Variants in NBEAL1 observed in about 807,000 individuals in gnomAD.
NBEAL1 encodes the protein neurobeachin-like protein 1.
NBEAL1 carries 273 observed loss-of-function variants against 351.3 expected under a neutral mutation model. The observed-to-expected ratio is 0.78, with a 90% CI of 0.70 to 0.86. NBEAL1 has a LOEUF of 0.86. NBEAL1 is among the 40% of genes least tolerant of loss of function. NBEAL1 has a pLI of 0.00. For missense variants in NBEAL1, 2,961 were observed against 3,201.3 expected (o/e 0.92, Z 1.81); for synonymous variants, 1,050 against 1,086.4 (o/e 0.97, Z 0.66).
intron 2 of NBEAL1, among the ~76,000 whole-genome samples, chr2:203,024,623 C>T (rs897332729): frequency 2.6e-5 from 4 of 151,154 alleles, no homozygotes; most frequent in Admixed American, 6.6e-5. Context: ...ATATTATTGG[C>T]GGCCTGAGGT....
chr2:203,050,875 G>A (rs1199651329), intron 4 of NBEAL1, among the ~76,000 whole-genome samples: 3 of 152,242 alleles, frequency 2.0e-5, no homozygotes, highest in Non-Finnish European at 4.4e-5. Flanking sequence ...CATTGGTTTA[G>A]GGGCATCTGC....
chr2:203,192,577 G>C (rs1049046465), intron 46 of NBEAL1, among the ~76,000 whole-genome samples: 5 of 151,850 alleles, frequency 3.3e-5, no homozygotes, highest in African/African-American at 1.2e-4. Context: ...GTAGAGACGG[G>C]GTTTTGCCAT....
chr2:203,179,501 AAATT>A (rs1346406778), intron 42 of NBEAL1, among the ~76,000 whole-genome samples: 1 of 152,080 alleles, frequency 6.6e-6, no homozygotes, highest in African/African-American at 2.4e-5. Flanking sequence ...TAAATACATA[AAATT>A]AATTAATTGA....
intron 51 of NBEAL1, among the ~76,000 whole-genome samples, chr2:203,203,916 TG>T (rs761563064): frequency 4.7e-4 from 68 of 144,300 alleles, no homozygotes; most frequent in African/African-American, 1.1e-3. Context: ...TTGTTTTTTG[TG>T]TTTTTTTTGT....
In NBEAL1 at chr2:203,070,358, T is replaced by G. The variant is rs13396349; in HGVS notation, c.598+1883T>G. ...TTGTATTTCTCTCTCTCTCTCTCTC[T>G]CTTTTTTTTTTTTTTTTTTTTGAGA... On this transcript the variant is annotated intron_variant, in intron 7 of 55. Coordinates refer to ENST00000683969, the MANE Select transcript of NBEAL1 (RefSeq NM_001378026.1). Among the ~76,000 whole-genome samples the G allele has an allele frequency of 6.8e-3, 783 of 114,664 alleles. 8 individuals carry two copies. The highest frequency in any genetic ancestry group is 0.024 in the African/African-American group (756 of 30,874). 75.2% of individuals were successfully genotyped at this position (114,664 alleles called of 152,430 possible).
At chr2:203,152,612 T>C (rs1384696129) in intron 35 of NBEAL1, among the ~76,000 whole-genome samples, 1 of 151,818 alleles carries the variant, frequency 6.6e-6, no homozygotes, top group Non-Finnish European at 1.5e-5. Context: ...AAATTTTGCC[T>C]GACACTATTT....
rs753113356 is a variant in NBEAL1 at position 203,220,566 on chromosome 2, C to G, written c.*3212C>G. Among the ~76,000 whole-genome samples the G allele has an allele frequency of 2.0e-5, 3 of 151,884 alleles. No individual in the cohort carries two copies. Among genetic ancestry groups the G allele is most frequent in the Non-Finnish European group, 2.9e-5 (2 of 67,984 alleles). Reference sequence around the variant, plus strand: ...TACTGGTGATGACAAAAATAAAAATCTCAGCATCCTGGTGATAGGAAGAGA... The same window carrying G: ...TACTGGTGATGACAAAAATAAAAATGTCAGCATCCTGGTGATAGGAAGAGA... On this transcript the variant is annotated 3_prime_UTR_variant, in exon 56 of 56. Transcript: ENST00000683969.
chr2:203,063,211 A>G (rs545774309), intron 6 of NBEAL1, among the ~76,000 whole-genome samples: 25 of 151,648 alleles, frequency 1.6e-4, no homozygotes, highest in Non-Finnish European at 3.7e-4. Flanking sequence ...ATGGTGGCTC[A>G]CACCTGTAAT....
intron 2 of NBEAL1, chr2:203,039,993 G>A (rs979098262): frequency 3.6e-6 from 2 of 561,012 alleles, no homozygotes; most frequent in African/African-American, 1.9e-5. Context: ...AAGGTAAAGG[G>A]GTGGTGAGGT....
intron 36 of NBEAL1, among the ~76,000 whole-genome samples, chr2:203,159,682 G>C (rs1368998579): frequency 6.6e-6 from 1 of 152,030 alleles, no homozygotes; most frequent in African/African-American, 2.4e-5. Flanking sequence ...ATTATGAATA[G>C]TACTTCCATG....
rs533349447 is a variant in NBEAL1, at chr2:203,174,465, G to A, written c.6324-682G>A. On this transcript the variant is annotated intron_variant, in intron 41 of 55. Transcript: ENST00000683969. The stretch of plus-strand genomic sequence containing the variant: ...TATTTGTATATTAATTCATACATTA[G>A]GATAGATATTCACCAAAAAATTTGT... Among the ~76,000 whole-genome samples the A allele has an allele frequency of 6.6e-5, 10 of 152,116 alleles. No individual in the cohort carries two copies. The South Asian group carries it at 2.1e-3, about 32-fold the overall frequency.
intron 2 of NBEAL1, among the ~76,000 whole-genome samples, chr2:203,034,054 C>T (rs1318573862): frequency 6.6e-6 from 1 of 152,012 alleles, no homozygotes; most frequent in African/African-American, 2.4e-5. Context: ...TTGTTTATAC[C>T]TCTTTTCTCT....
intron 29 of NBEAL1, 50 bp from the exon 30 acceptor site, chr2:203,138,108 CTACT>C: frequency 6.4e-7 from 1 of 1,563,344 alleles, no homozygotes; most frequent in Non-Finnish European, 8.7e-7. Flanking sequence ...TTTTAATGTC[CTACT>C]GTTTTTCTAA....
chr2:203,042,213 A>G (rs1456415617), intron 3 of NBEAL1, among the ~76,000 whole-genome samples: 3 of 152,260 alleles, frequency 2.0e-5, no homozygotes, highest in Non-Finnish European at 4.4e-5. Flanking sequence ...CTTCAGACCA[A>G]CTGGCTATAA....
At chr2:203,125,865 T>C in intron 20 of NBEAL1, 95 bp from the exon 21 acceptor site, 2 of 1,064,206 alleles carry the variant, frequency 1.9e-6, no homozygotes, top group Non-Finnish European at 2.6e-6. Flanking sequence ...GAACCAGATT[T>C]CTACTTTGTG....
At chr2:203,071,891 A>G (rs1420934838) in intron 7 of NBEAL1, among the ~76,000 whole-genome samples, 1 of 152,192 alleles carries the variant, frequency 6.6e-6, no homozygotes, top group Non-Finnish European at 1.5e-5. Flanking sequence ...AAAGCTTGAG[A>G]ATAGCCCTCT....
At position 203,126,809 on chromosome 2, in the gene NBEAL1, A is replaced by C. The variant is rs1232457108; in HGVS notation, c.3146-15A>C. On this transcript the variant is annotated splice_polypyrimidine_tract_variant and intron_variant, in intron 22 of 55. Transcript: ENST00000683969. ...ATTTTAGCTGAATTACTTACCATTG[A>C]ACTTTTTATTTTAGGTCACATACAG... 4.5e-6 allele frequency: 7 copies of C among 1,544,888 alleles called. No homozygotes were observed. Among genetic ancestry groups the C allele is most frequent in the Non-Finnish European group, 6.1e-6 (7 of 1,144,768 alleles).
chr2:203,112,868 A>G, intron 16 of NBEAL1, 147 bp from the exon 17 acceptor site: 1 of 845,988 alleles, frequency 1.2e-6, no homozygotes, highest in South Asian at 2.8e-5. Flanking sequence ...TCTACACTTC[A>G]TGATTTGGTA....
chr2:203,168,787 G>A (rs1025891245), intron 38 of NBEAL1, among the ~76,000 whole-genome samples: 2 of 150,072 alleles, frequency 1.3e-5, no homozygotes, highest in African/African-American at 2.5e-5. Flanking sequence ...CCAGCTACTC[G>A]AGAGGCTGAG....
Sources: gnomAD v4.1 joint callset for allele counts (sites outside exome capture counted in the v4.1 genomes callset) on GRCh38, gnomAD v4.1.1 for gene constraint, MANE v1.5 for transcripts, NCBI Gene and HGNC (gene_info 2026-07-23, HGNC 2026-07-21) for gene names.